The following KCNMB2 variants were observed in gnomAD, a reference collection of about 807,000 sequenced individuals.
KCNMB2 encodes calcium-activated potassium channel subunit beta-2.
Under a neutral mutation model 24.5 loss-of-function variants are expected in KCNMB2, and 9 were observed. The ratio of observed to expected loss-of-function variants is 0.37; its 90% CI spans 0.22 to 0.64. The LOEUF (loss-of-function observed/expected upper bound fraction) is 0.64. Ranked by LOEUF, KCNMB2 falls within the 30% of genes least tolerant of loss-of-function variation. The pLI is 0.63. For synonymous variants in KCNMB2, 109 were observed against 104.4 expected (o/e 1.04, Z -0.27); for missense variants, 226 against 284.3 (o/e 0.79, Z 1.47).
At chr3:178,662,608 T>G (rs1331565399) in intron 1 of KCNMB2, among the ~76,000 whole-genome samples, 1 of 152,178 alleles carries the variant, frequency 6.6e-6, no homozygotes, top group African/African-American at 2.4e-5. Context: ...GTCAAGGATA[T>G]CATTTAATTT....
chr3:178,795,857 T>C (rs765432876), intron 1 of KCNMB2, among the ~76,000 whole-genome samples: 10 of 152,218 alleles, frequency 6.6e-5, no homozygotes, highest in Non-Finnish European at 1.2e-4. Context: ...CAAGACTCTA[T>C]ATCAAGCTTT....
Position 178,807,446 on chromosome 3 carries a change from T to G in KCNMB2, c.37T>G (p.Tyr13Asp). ...IWTSGRTSSSYRHDEKRNIYQ... is the reference protein window; with the variant it reads ...IWTSGRTSSSDRHDEKRNIYQ... ...GACCAGTGGCCGGACCTCTTCATCT[T>G]ATAGACATGATGAAAAAAGGTAAAT... Residue 13 changes from tyrosine (Y) to aspartate (D), a missense_variant, in exon 2 of 5, where the codon TAT becomes GAT. Coordinates refer to ENST00000452583, the MANE Select transcript of KCNMB2 (RefSeq NM_181361.3). 1 of 1,613,904 alleles carries G rather than the reference T, an allele frequency of 6.2e-7. No homozygotes were observed. Among genetic ancestry groups the G allele is most frequent in the Non-Finnish European group, 8.5e-7 (1 of 1,179,796 alleles).
chr3:178,630,180 G>T (rs1476931043), intron 1 of KCNMB2, among the ~76,000 whole-genome samples: 1 of 152,068 alleles, frequency 6.6e-6, no homozygotes, highest in Non-Finnish European at 1.5e-5. Context: ...AGCCATTTCT[G>T]TTTACACCAA....
chr3:178,626,258 C>A (rs915561422), intron 1 of KCNMB2, among the ~76,000 whole-genome samples: 1 of 152,134 alleles, frequency 6.6e-6, no homozygotes, highest in Non-Finnish European at 1.5e-5. Context: ...CAGACCCATG[C>A]AAGTTATTTA....
intron 1 of KCNMB2, among the ~76,000 whole-genome samples, chr3:178,692,269 T>C (rs558865209): frequency 2.8e-4 from 43 of 152,370 alleles, no homozygotes; most frequent in Admixed American, 1.6e-3. Flanking sequence ...TTGTCAATTT[T>C]TGCTTTTGTT....
intron 1 of KCNMB2, among the ~76,000 whole-genome samples, chr3:178,645,976 G>C (rs1314201324): frequency 6.6e-6 from 1 of 152,070 alleles, no homozygotes; most frequent in Non-Finnish European, 1.5e-5. Flanking sequence ...ACATAATGAG[G>C]GCACATATTT....
intron 1 of KCNMB2, among the ~76,000 whole-genome samples, chr3:178,713,633 C>G (rs1033185722): frequency 3.9e-5 from 6 of 152,106 alleles, no homozygotes; most frequent in Non-Finnish European, 8.8e-5. Flanking sequence ...ACTCTTCACC[C>G]CACCCCCATA....
intron 1 of KCNMB2, among the ~76,000 whole-genome samples, chr3:178,572,293 C>T (rs11918114): frequency 0.36 from 54,850 of 152,010 alleles, 10,270 homozygotes; most frequent in African/African-American, 0.48. Context: ...CAATTATATC[C>T]ATACATAGAA....
intron 1 of KCNMB2, among the ~76,000 whole-genome samples, chr3:178,657,232 G>C (rs1720376846): frequency 6.6e-6 from 1 of 152,220 alleles, no homozygotes; most frequent in Non-Finnish European, 1.5e-5. Flanking sequence ...ACACAGGATA[G>C]CTCTGAGTTC....
At chr3:178,655,095 C>CTCTCTCT (rs1720276228) in intron 1 of KCNMB2, among the ~76,000 whole-genome samples, 9 of 111,084 alleles carry the variant, frequency 8.1e-5, no homozygotes, top group African/African-American at 2.1e-4. Context: ...ATTAGCTCTC[C>CTCTCTCT]CTCTCTCTCT....
intron 1 of KCNMB2, among the ~76,000 whole-genome samples, chr3:178,731,665 A>G (rs945443873): frequency 6.6e-6 from 1 of 152,208 alleles, no homozygotes; most frequent in Admixed American, 6.5e-5. Flanking sequence ...GCACTTTGGG[A>G]GGCCGAGGTG....
intron 1 of KCNMB2, among the ~76,000 whole-genome samples, chr3:178,562,230 A>G (rs1676725673): frequency 6.6e-6 from 1 of 152,226 alleles, no homozygotes; most frequent in Admixed American, 6.5e-5. Flanking sequence ...ATACAAAAAC[A>G]ATATGTTTTG....
intron 1 of KCNMB2, among the ~76,000 whole-genome samples, chr3:178,767,118 A>G (rs1712154046): frequency 6.6e-6 from 1 of 152,166 alleles, no homozygotes; most frequent in African/African-American, 2.4e-5. Context: ...AAAACAAACA[A>G]TTATCTGGTT....
chr3:178,697,594 G>A (rs986601017), intron 1 of KCNMB2, among the ~76,000 whole-genome samples: 10 of 152,082 alleles, frequency 6.6e-5, no homozygotes, highest in African/African-American at 2.4e-5. Flanking sequence ...GGAGTATTTA[G>A]CCCATTTACA....
intron 1 of KCNMB2, among the ~76,000 whole-genome samples, chr3:178,581,773 T>C (rs1717216197): frequency 6.6e-6 from 1 of 152,144 alleles, no homozygotes; most frequent in Non-Finnish European, 1.5e-5. Context: ...AAAAAGCTCA[T>C]CATCAGTGAT....
chr3:178,576,912 G>A (rs981969309), intron 1 of KCNMB2, among the ~76,000 whole-genome samples: 1 of 152,232 alleles, frequency 6.6e-6, no homozygotes, highest in Admixed American at 6.5e-5. Context: ...AGCTGTGGGT[G>A]CAGCCTCAGC....
At chr3:178,792,255 T>C (rs1306731767) in intron 1 of KCNMB2, among the ~76,000 whole-genome samples, 1 of 152,188 alleles carries the variant, frequency 6.6e-6, no homozygotes, top group Non-Finnish European at 1.5e-5. Context: ...TGAATTGAGT[T>C]AAAATGTCAA....
intron 1 of KCNMB2, among the ~76,000 whole-genome samples, chr3:178,563,292 T>A (rs189485053): frequency 6.6e-6 from 1 of 152,380 alleles, no homozygotes; most frequent in East Asian, 1.9e-4. Flanking sequence ...TAAAGTAGTA[T>A]CTGCACAGAG....
chr3:178,752,489 A>T (rs1216166817), intron 1 of KCNMB2, among the ~76,000 whole-genome samples: 3 of 152,202 alleles, frequency 2.0e-5, no homozygotes, highest in African/African-American at 7.2e-5. Flanking sequence ...TTGGGACCAC[A>T]TTGTGGAGTG....
Sources: allele counts gnomAD v4.1 joint callset (sites outside exome capture counted in the v4.1 genomes callset), GRCh38; gene constraint gnomAD v4.1.1; transcripts MANE v1.5; gene names NCBI Gene and HGNC (gene_info 2026-07-23, HGNC 2026-07-21).